The following TBXA2R variants were observed in gnomAD, a reference collection of about 807,000 sequenced individuals.
TBXA2R encodes the protein thromboxane A2 receptor.
TBXA2R carries 15 observed loss-of-function variants against 15.6 expected under a neutral mutation model. The ratio of observed to expected loss-of-function variants is 0.96; its 90% CI spans 0.64 to 1.48. The LOEUF is 1.48. Among genes scored for constraint, TBXA2R ranks in the 40% most tolerant of loss-of-function variants. The pLI, the probability that TBXA2R is intolerant of heterozygous loss-of-function variation, is 0.00. For missense variants in TBXA2R, 506 were observed against 491.4 expected (o/e 1.03, Z -0.28); for synonymous variants, 280 against 241.2 (o/e 1.16, Z -1.49).
Position 3,595,882 on chromosome 19 carries a change from C to G in TBXA2R, c.838G>C (p.Gly280Arg). 2 of 1,608,558 alleles carry G rather than the reference C, an allele frequency of 1.2e-6. No individual in the cohort carries two copies. The highest frequency in any genetic ancestry group is 1.7e-6 in the Non-Finnish European group (2 of 1,178,108). Residue 280 changes from glycine to arginine, a missense_variant, in exon 3 of 3, where the codon GGG becomes CGG. By Grantham distance (125) the Gly-to-Arg change is moderately radical (BLOSUM62 -2). Transcript: ENST00000375190. ...LRNPPAMSPA[G>R]QLSRTTEKEL... ...TTCTCCGTGGTGCGGGACAGCTGCC[C>G]GGCGGGGCTCATGGCAGGCGGGTTT...
intron 2 of TBXA2R, 62 bp from the exon 3 acceptor site, chr19:3,595,995 G>T: frequency 6.5e-7 from 1 of 1,546,542 alleles, no homozygotes; most frequent in South Asian, 1.2e-5. Context: ...CCCGGTCCCT[G>T]CCCGGGGTCC....
At chr19:3,596,244 G>A (rs2032602675) in intron 2 of TBXA2R, among the ~76,000 whole-genome samples, 1 of 152,094 alleles carries the variant, frequency 6.6e-6, no homozygotes, top group African/African-American at 2.4e-5. Flanking sequence ...TGGCCAGGCT[G>A]GTCTCGAACT....
At chr19:3,606,082 G>C (rs1407326956) in intron 1 of TBXA2R, among the ~76,000 whole-genome samples, 1 of 151,598 alleles carries the variant, frequency 6.6e-6, no homozygotes, top group African/African-American at 2.4e-5. Flanking sequence ...ACAAACACAC[G>C]GTCACACACA....
At position 3,595,375 on chromosome 19, in the gene TBXA2R, T is replaced by C; in HGVS notation, c.*313A>G. On this transcript the variant is annotated 3_prime_UTR_variant, in exon 3 of 3. Coordinates refer to ENST00000375190, the MANE Select transcript of TBXA2R (RefSeq NM_001060.6). ...GCCTGGGGGACAGAGCAAGACTCCGTCTAAAAAAAAAAATAGCAATGCAAG... is the reference window on the plus strand; with the variant it reads ...GCCTGGGGGACAGAGCAAGACTCCGCCTAAAAAAAAAAATAGCAATGCAAG... The C allele has an allele frequency of 1.5e-6, 2 of 1,369,916 alleles. No homozygotes were observed. Among genetic ancestry groups the C allele is most frequent in the Non-Finnish European group, 1.9e-6 (2 of 1,066,638 alleles). 84.9% of individuals were successfully genotyped at this position (1,369,916 alleles called of 1,614,324 possible).
intron 2 of TBXA2R, among the ~76,000 whole-genome samples, chr19:3,597,031 C>T (rs1461402991): frequency 6.6e-6 from 1 of 151,146 alleles, no homozygotes; most frequent in Non-Finnish European, 1.5e-5. Flanking sequence ...CCTCCGCCTC[C>T]TGGGTTCAAG....
chr19:3,602,544 C>T (rs1029658900), intron 1 of TBXA2R, among the ~76,000 whole-genome samples: 2 of 151,980 alleles, frequency 1.3e-5, no homozygotes, highest in East Asian at 1.9e-4. Flanking sequence ...TGAGACCAGC[C>T]GGACCAACAT....
chr19:3,595,216 T>C lies in TBXA2R; in HGVS notation c.*472A>G, dbSNP rs1430625572. The C allele has an allele frequency of 6.3e-6, 4 of 638,924 alleles. No individual in the cohort carries two copies. Among genetic ancestry groups the C allele is most frequent in the East Asian group, 3.7e-5 (1 of 26,682 alleles). The allele number at this position is 638,924 out of a possible 1,614,324, so 39.6% of individuals were successfully genotyped here. A position where few individuals can be genotyped will look rare whatever the true frequency, so the allele number is the denominator to read the frequency against. On this transcript the variant is annotated 3_prime_UTR_variant, in exon 3 of 3. Coordinates refer to ENST00000375190, the MANE Select transcript of TBXA2R (RefSeq NM_001060.6). ...CAACACGGTGAAACCCCGTCTCTAC[T>C]AAAAATACAAAAATTAGCCGGGCGT...
At chr19:3,604,559 G>A (rs1308282257) in intron 1 of TBXA2R, among the ~76,000 whole-genome samples, 1 of 150,478 alleles carries the variant, frequency 6.6e-6, no homozygotes, top group Non-Finnish European at 1.5e-5. Context: ...ACCCCACCCT[G>A]CCCGCCCCGC....
In TBXA2R at chr19:3,599,977, C is replaced by T. The variant is rs1356619033; in HGVS notation, c.658G>A (p.Ala220Thr). 2 of 1,597,846 alleles carry T rather than the reference C, an allele frequency of 1.3e-6. No homozygotes were observed. The highest frequency in any genetic ancestry group is 1.7e-6 in the Non-Finnish European group (2 of 1,173,366). The part of the protein sequence containing the change: ...LSFLLNTVSV[A>T]TLCHVYHGQE... ...CCGTGGTAGACGTGGCACAGGGTGG[C>T]CACGCTGACCGTGTTCAGCAGGAAG... The change falls in exon 2 of 3, where the codon GCC becomes ACC. Residue 220 changes from alanine (A) to threonine (T), a missense_variant. By Grantham distance (58) the Ala-to-Thr change is moderately conservative (BLOSUM62 0). Coordinates refer to ENST00000375190, the MANE Select transcript of TBXA2R (RefSeq NM_001060.6).
In TBXA2R at chr19:3,599,090, T is replaced by C. The variant is rs372407270; in HGVS notation, c.786+759A>G. Among the ~76,000 whole-genome samples, 7 of 152,300 alleles carry C rather than the reference T, an allele frequency of 4.6e-5. No homozygotes were observed. In the South Asian group the frequency reaches 8.3e-4, roughly 18 times the overall value. The stretch of plus-strand genomic sequence containing the variant: ...TCAAATTTCATCATCTATCCATCAG[T>C]AGTTTTATTGGCCACAGCCACGCCT... On this transcript the variant is annotated intron_variant, in intron 2 of 2. Transcript: ENST00000375190.
At position 3,600,217 on chromosome 19, in the gene TBXA2R, G is replaced by A; in HGVS notation, c.418C>T (p.Arg140Cys). Residue 140 changes from arginine (R) to cysteine (C), a missense_variant, in exon 2 of 3, where the codon CGC becomes TGC. Transcript: ENST00000375190. The part of the protein sequence containing the change: ...RYLGITRPFS[R>C]PAVASQRRAW... ...CGGCGCTGCGAGGCGACCGCCGGGC[G>A]CGAGAAGGGCCGGGTGATACCCAGG... 1.2e-6 allele frequency: 2 copies of A among 1,607,152 alleles called. No homozygotes were observed. Among genetic ancestry groups the A allele is most frequent in the Admixed American group, 1.7e-5 (1 of 59,506 alleles).
intron 1 of TBXA2R, among the ~76,000 whole-genome samples, chr19:3,605,794 A>C (rs2032821043): frequency 6.7e-6 from 1 of 149,876 alleles, no homozygotes; most frequent in Non-Finnish European, 1.5e-5. Context: ...AGACACACAC[A>C]AGCAGAAACA....
intron 2 of TBXA2R, among the ~76,000 whole-genome samples, chr19:3,598,345 C>CTTTTTTTTTTTTTTTTTTTTTTTTT (rs1300020033): frequency 8.7e-6 from 1 of 115,390 alleles, no homozygotes; most frequent in African/African-American, 3.6e-5. Flanking sequence ...TCTTTCTTTT[C>CTTTTTTTTTTTTTTTTTTTTTTTTT]TTTTCTTTTT....
chr19:3,597,503 C>T (rs528887237), intron 2 of TBXA2R, among the ~76,000 whole-genome samples: 17 of 152,202 alleles, frequency 1.1e-4, no homozygotes, highest in African/African-American at 3.9e-4. Flanking sequence ...TGGTGGTGCA[C>T]ACCTGTAGTC....
Position 3,595,526 on chromosome 19 carries a change from T to A in TBXA2R, c.*162A>T. On this transcript the variant is annotated 3_prime_UTR_variant, in exon 3 of 3. Coordinates refer to ENST00000375190, the MANE Select transcript of TBXA2R (RefSeq NM_001060.6). ...CTTGGTAAAAGGATCAGGGAGGAGT[T>A]GGGGGTCCCCGGGTTGGATTGGGGT... The A allele has an allele frequency of 7.0e-7, 1 of 1,434,026 alleles. No individual in the cohort carries two copies. Among genetic ancestry groups the A allele is most frequent in the Non-Finnish European group, 9.1e-7 (1 of 1,097,232 alleles). The allele number at this position is 1,434,026 out of a possible 1,614,324, so 88.8% of individuals were successfully genotyped here. A position where few individuals can be genotyped will look rare whatever the true frequency, so the allele number is the denominator to read the frequency against.
In TBXA2R at chr19:3,595,455, G is replaced by A; in HGVS notation, c.*233C>T. ...TGGGGTTGGGAGGGACGCAGAGAAG[G>A]GGTGGGAGCTCTGGATGGGAAAAAG... On this transcript the variant is annotated 3_prime_UTR_variant, in exon 3 of 3. Coordinates refer to ENST00000375190, the MANE Select transcript of TBXA2R (RefSeq NM_001060.6). The A allele has an allele frequency of 2.8e-6, 4 of 1,417,648 alleles. No individual in the cohort carries two copies. The highest frequency in any genetic ancestry group is 1.8e-6 in the Non-Finnish European group (2 of 1,090,626). The allele number at this position is 1,417,648 out of a possible 1,614,324, so 87.8% of individuals were successfully genotyped here. A position where few individuals can be genotyped will look rare whatever the true frequency, so the allele number is the denominator to read the frequency against.
chr19:3,595,228 A>T lies in TBXA2R; in HGVS notation c.*460T>A. On this transcript the variant is annotated 3_prime_UTR_variant, in exon 3 of 3. Transcript: ENST00000375190. The stretch of plus-strand genomic sequence containing the variant: ...ACCCCGTCTCTACTAAAAATACAAA[A>T]ATTAGCCGGGCGTGGTGGCGCGCGC... 1.7e-6 allele frequency: 1 copy of T among 599,434 alleles called. No individual in the cohort carries two copies. The highest frequency in any genetic ancestry group is 2.4e-6 in the Non-Finnish European group (1 of 413,726). The allele number at this position is 599,434 out of a possible 1,614,324, so 37.1% of individuals were successfully genotyped here. A position where few individuals can be genotyped will look rare whatever the true frequency, so the allele number is the denominator to read the frequency against.
chr19:3,598,336 C>CTTTCT (rs1209619755), intron 2 of TBXA2R, among the ~76,000 whole-genome samples: 10 of 136,410 alleles, frequency 7.3e-5, no homozygotes, highest in Admixed American at 5.4e-4. Flanking sequence ...TTCTTTCTTT[C>CTTTCT]TTTCTTTTCT....
In TBXA2R at chr19:3,595,543, GATTGGGGTCAACCCAAA is replaced by G; in HGVS notation, c.*128_*144del. On this transcript the variant is annotated 3_prime_UTR_variant, in exon 3 of 3. Transcript: ENST00000375190. ...GGAGGAGTTGGGGGTCCCCGGGTTGGATTGGGGTCAACCCAAAACCCTGCTGCTGATGCCCACTGTCC... is the reference window on the plus strand; with the variant it reads ...GGAGGAGTTGGGGGTCCCCGGGTTGGACCCTGCTGCTGATGCCCACTGTCC... 7.0e-7 allele frequency: 1 copy of G among 1,437,918 alleles called. No homozygotes were observed. The highest frequency in any genetic ancestry group is 9.1e-7 in the Non-Finnish European group (1 of 1,098,636). 89.1% of individuals were successfully genotyped at this position (1,437,918 alleles called of 1,614,324 possible). A position where few individuals can be genotyped will look rare whatever the true frequency, so the allele number is the denominator to read the frequency against.
Sources: allele counts gnomAD v4.1 joint callset (sites outside exome capture counted in the v4.1 genomes callset), GRCh38; gene constraint gnomAD v4.1.1; transcripts MANE v1.5; gene names NCBI Gene and HGNC (gene_info 2026-07-23, HGNC 2026-07-21).